DPH1: variants seen among roughly 807,000 people sequenced by gnomAD.
DPH1 encodes diphthamide biosynthesis 1.
A neutral mutation model predicts 55.3 loss-of-function variants in DPH1; 59 were observed. The observed-to-expected ratio is 1.07, with a 90% CI of 0.87 to 1.33. The LOEUF (loss-of-function observed/expected upper bound fraction) is 1.33, where lower values mean the gene tolerates loss of function less well. DPH1 is among the 40% of genes most tolerant of loss of function. The pLI is 0.00. For missense variants in DPH1, 628 were observed against 584.8 expected, an observed-to-expected ratio of 1.07 and a Z score of -0.76; for synonymous variants, 238 against 235.5, an observed-to-expected ratio of 1.01 and a Z score of -0.10.
intron 6 of DPH1, chr17:2,039,337 A>C (rs2067475004): frequency 6.1e-6 from 1 of 164,180 alleles, no homozygotes; most frequent in Non-Finnish European, 1.3e-5. Flanking sequence ...TTGGGATTAC[A>C]GGCATGAGCC....
Position 2,033,532 on chromosome 17 carries a change from A to G in DPH1, c.89A>G (p.Asn30Ser). ...CGGGCCCCTCGGGGCCGCGTGGCCA[A>G]TCAGATCCCCCCTGAGATCCTGAAG... ...RGRAPRGRVA[N>S]QIPPEILKNP... The change falls in exon 2 of 13, where the codon AAT becomes AGT. Residue 30 changes from asparagine (N) to serine (S), a missense_variant. Asn to Ser is a conservative substitution (Grantham distance 46, BLOSUM62 1). Transcript: ENST00000263083. The G allele has an allele frequency of 6.2e-7, 1 of 1,614,218 alleles. No homozygotes were observed.
intron 6 of DPH1, among the ~76,000 whole-genome samples, chr17:2,038,112 C>T (rs1449734794): frequency 1.4e-5 from 2 of 143,176 alleles, no homozygotes; most frequent in African/African-American, 2.6e-5. Context: ...GAGTTTGAGA[C>T]CAGCTTGGGG....
In DPH1 at chr17:2,043,749, G is replaced by T. The variant is rs2067586425; in HGVS notation, c.*1163G>T. 6.6e-6 allele frequency: 1 copy of T among 152,494 alleles called. No individual in the cohort carries two copies. The highest frequency in any genetic ancestry group is 2.4e-5 in the African/African-American group (1 of 41,446). The allele number at this position is 152,494 out of a possible 1,614,324, so 9.4% of individuals were successfully genotyped here. A position where few individuals can be genotyped will look rare whatever the true frequency, so the allele number is the denominator to read the frequency against. On this transcript the variant is annotated 3_prime_UTR_variant, in exon 13 of 13. Transcript: ENST00000263083. ...CCAGATCACTGAGAGTTGTGTGCTG[G>T]TCTTCTCTCAAACCCTGGATGTGTT...
At chr17:2,033,934 A>C (rs1015704350) in intron 3 of DPH1, 92 bp downstream of exon 3, 2 of 1,480,190 alleles carry the variant, frequency 1.4e-6, no homozygotes, top group Non-Finnish European at 1.9e-6. Context: ...GGTGGCGGGC[A>C]TTTTTTCCTT....
At chr17:2,033,259 G>T in intron 1 of DPH1, 1 of 587,212 alleles carries the variant, frequency 1.7e-6, no homozygotes, top group Non-Finnish European at 3.0e-6. Flanking sequence ...TAGGGAACCA[G>T]GCATCTCGTG....
rs370835296 is a variant in DPH1 at position 2,042,594 on chromosome 17, T to G, written c.*19-11T>G. 10 of 1,509,054 alleles carry G rather than the reference T, an allele frequency of 6.6e-6. No homozygotes were observed. In the African/African-American group the frequency reaches 1.4e-4, roughly 21 times the overall value. 93.5% of individuals were successfully genotyped at this position (1,509,054 alleles called of 1,614,324 possible). ...GCCCTAATCCCATCCTTTTTCCTCA[T>G]ATCGCTGTAGGGTCCTGCCCTCCGG... On this transcript the variant is annotated splice_polypyrimidine_tract_variant and intron_variant, in intron 12 of 12. Coordinates refer to ENST00000263083, the MANE Select transcript of DPH1 (RefSeq NM_001383.6).
At chr17:2,037,151 C>T in intron 6 of DPH1, 195 bp downstream of exon 6, 1 of 741,068 alleles carries the variant, frequency 1.3e-6, no homozygotes, top group Middle Eastern at 3.8e-4. Flanking sequence ...CCCAGTCCAT[C>T]ATCCAGAAGG....
At chr17:2,041,280 G>A (rs563275322) in intron 10 of DPH1, 99 bp downstream of exon 10, 7 of 1,489,830 alleles carry the variant, frequency 4.7e-6, no homozygotes, top group African/African-American at 2.8e-5. Flanking sequence ...CGTTATGTTC[G>A]TAGATTCCGG....
chr17:2,033,752 C>A (rs751932094), intron 2 of DPH1, 27 bp from the exon 3 acceptor site: 59 of 1,614,224 alleles, frequency 3.7e-5, no homozygotes, highest in Non-Finnish European at 5.0e-5. Flanking sequence ...TAGCCCTCCA[C>A]CTCTCATGTC....
intron 6 of DPH1, among the ~76,000 whole-genome samples, chr17:2,038,497 G>C (rs1438167651): frequency 1.3e-5 from 2 of 152,176 alleles, no homozygotes; most frequent in African/African-American, 4.8e-5. Context: ...TAGAAGGTGA[G>C]GGGTGGGCCA....
At chr17:2,035,585 C>T (rs902535846) in intron 3 of DPH1, among the ~76,000 whole-genome samples, 3 of 142,666 alleles carry the variant, frequency 2.1e-5, no homozygotes, top group Non-Finnish European at 3.1e-5. Flanking sequence ...CGCCCATGCC[C>T]ACCACAGCAC....
rs193209375 is a variant in DPH1, at chr17:2,043,076, T to C, written c.*490T>C. ...GCTGCACCCCAGCGTCAGGCCTACC[T>C]CAAGTTCTTGGACCAGTTTGCAGAG... On this transcript the variant is annotated 3_prime_UTR_variant, in exon 13 of 13. Transcript: ENST00000263083. 1 of 1,613,872 alleles carries C rather than the reference T, an allele frequency of 6.2e-7. No homozygotes were observed. Among genetic ancestry groups the C allele is most frequent in the East Asian group, 2.2e-5 (1 of 44,880 alleles).
rs773284437 is a variant in DPH1 at position 2,039,843 on chromosome 17, G to A, written c.749+20G>A. 2.5e-6 allele frequency: 4 copies of A among 1,613,824 alleles called. No homozygotes were observed. In the African/African-American group the frequency reaches 5.3e-5, roughly 22 times the overall value. ...TTACCGGTATGGGCTGGGCCGGGCT[G>A]GGCTGACCAGCTGGTGAGGGGTGAG... On this transcript the variant is annotated intron_variant, in intron 7 of 12. Transcript: ENST00000263083.
In DPH1 at chr17:2,040,239, C is replaced by T. The variant is rs1280854549; in HGVS notation, c.771C>T (p.Val257=). 1 of 1,614,082 alleles carries T rather than the reference C, an allele frequency of 6.2e-7. No homozygotes were observed. The highest frequency in any genetic ancestry group is 8.5e-7 in the Non-Finnish European group (1 of 1,180,028). ...PAYRYDPYSK[V]LSREHYDHQR... Reference sequence around the variant, plus strand: ...CCAGGTATGACCCATATAGCAAAGTCCTATCCAGAGAACACTATGACCACC... The same window carrying T: ...CCAGGTATGACCCATATAGCAAAGTTCTATCCAGAGAACACTATGACCACC... The change falls in exon 8 of 13, where the codon GTC becomes GTT. Residue 257 remains valine, a synonymous_variant. Transcript: ENST00000263083.
intron 12 of DPH1, 179 bp from the exon 13 acceptor site, chr17:2,042,426 T>C: frequency 8.0e-7 from 1 of 1,248,910 alleles, no homozygotes; most frequent in Non-Finnish European, 1.0e-6. Flanking sequence ...TTCACCGTCT[T>C]CCTCCGCTGT....
At position 2,043,306 on chromosome 17, in the gene DPH1, C is replaced by T. The variant is rs1319195320; in HGVS notation, c.*720C>T. Reference sequence around the variant, plus strand: ...AAGGGGAGCACAAGGCCTTAATGGACATTGACTTGTGAAAACGCAAACATG... The same window carrying T: ...AAGGGGAGCACAAGGCCTTAATGGATATTGACTTGTGAAAACGCAAACATG... On this transcript the variant is annotated 3_prime_UTR_variant, in exon 13 of 13. Coordinates refer to ENST00000263083, the MANE Select transcript of DPH1 (RefSeq NM_001383.6). 1 of 620,608 alleles carries T rather than the reference C, an allele frequency of 1.6e-6. No homozygotes were observed. Among genetic ancestry groups the T allele is most frequent in the Non-Finnish European group, 2.7e-6 (1 of 374,088 alleles). 38.4% of individuals were successfully genotyped at this position (620,608 alleles called of 1,614,324 possible).
intron 9 of DPH1, 177 bp downstream of exon 9, chr17:2,040,782 A>C: frequency 1.4e-6 from 1 of 690,574 alleles, no homozygotes; most frequent in East Asian, 2.7e-5. Flanking sequence ...TTTGGGGCTC[A>C]GAGGCAATGG....
chr17:2,041,210 C>T, intron 10 of DPH1, 29 bp downstream of exon 10: 1 of 1,583,632 alleles, frequency 6.3e-7, no homozygotes, highest in Non-Finnish European at 8.6e-7. Flanking sequence ...AGAGAGTGGG[C>T]TTTGGACGTG....
rs150302935 is a variant in DPH1 at position 2,033,683 on chromosome 17, G to A, written c.214+26G>A. ...GTGAGCCTGTGATCATTGAGCTGGG[G>A]TTGGGGTGGAGAGGTTGCCTGGCCC... On this transcript the variant is annotated intron_variant, in intron 2 of 12. Coordinates refer to ENST00000263083, the MANE Select transcript of DPH1 (RefSeq NM_001383.6). The A allele has an allele frequency of 1.0e-4, 167 of 1,613,738 alleles. 2 individuals carry two copies. The African/African-American group carries it at 1.9e-3, about 18-fold the overall frequency.
Sources: allele counts gnomAD v4.1 joint callset (sites outside exome capture counted in the v4.1 genomes callset), GRCh38; gene constraint gnomAD v4.1.1; transcripts MANE v1.5; gene names NCBI Gene and HGNC (gene_info 2026-07-23, HGNC 2026-07-21).